SP1: variants seen among roughly 807,000 people sequenced by gnomAD.
SP1 encodes the protein Sp1 transcription factor.
A neutral mutation model predicts 66.3 loss-of-function variants in SP1; 6 were observed. That is an observed-to-expected ratio of 0.09 (90% CI 0.05 to 0.18). The LOEUF (loss-of-function observed/expected upper bound fraction) is 0.18. Ranked by LOEUF, SP1 falls within the 10% of genes least tolerant of loss-of-function variation. The probability of loss-of-function intolerance (pLI) is 1.00; values close to 1 mark genes in which losing one functional copy is unlikely to be tolerated. For synonymous variants in SP1, 417 were observed against 360.8 expected, an observed-to-expected ratio of 1.16 and a Z score of -1.77; for missense variants, 848 against 964.5, an observed-to-expected ratio of 0.88 and a Z score of 1.60.
rs1938948450 is a variant in SP1, at chr12:53,414,071, T to G, written c.*2831T>G. ...CAGGAAGTTTGGAGCCTACATTCCT[T>G]GAGTCAGGAGCTTATTACAGAAAAA... On this transcript the variant is annotated 3_prime_UTR_variant, in exon 6 of 6. Transcript: ENST00000327443. 6.6e-6 allele frequency: 1 copy of G among 152,190 alleles called. No individual in the cohort carries two copies. The highest frequency in any genetic ancestry group is 6.5e-5 in the Admixed American group (1 of 15,276). The allele number at this position is 152,190 out of a possible 1,614,324, so 9.4% of individuals were successfully genotyped here. A position where few individuals can be genotyped will look rare whatever the true frequency, so the allele number is the denominator to read the frequency against.
chr12:53,395,993 G>A (rs1452479460), intron 3 of SP1, among the ~76,000 whole-genome samples: 5 of 152,020 alleles, frequency 3.3e-5, no homozygotes, highest in Non-Finnish European at 4.4e-5. Context: ...GCTGGCGCAC[G>A]CCTGTAGTCC....
chr12:53,409,637 T>A, intron 5 of SP1, 76 bp downstream of exon 5: 1 of 1,212,826 alleles, frequency 8.2e-7, no homozygotes, highest in Non-Finnish European at 1.2e-6. Flanking sequence ...ACAAAATAAC[T>A]AAAATTTCTG....
chr12:53,399,828 T>C (rs1938569749), intron 3 of SP1, among the ~76,000 whole-genome samples: 2 of 151,300 alleles, frequency 1.3e-5, no homozygotes, highest in African/African-American at 4.9e-5. Flanking sequence ...ACGGGGTTTT[T>C]CCGTGTTGGT....
rs1938922540 is a variant in SP1, at chr12:53,412,849, G to A, written c.*1609G>A. 6.6e-6 allele frequency: 1 copy of A among 152,508 alleles called. No individual in the cohort carries two copies. Among genetic ancestry groups the A allele is most frequent in the Admixed American group, 6.6e-5 (1 of 15,240 alleles). 9.4% of individuals were successfully genotyped at this position (152,508 alleles called of 1,614,324 possible). ...CAACCAGAATTGTCCTCAAGGCCCA[G>A]CCATAAAAGCATTGTCTCTCTCGAC... On this transcript the variant is annotated 3_prime_UTR_variant, in exon 6 of 6. Coordinates refer to ENST00000327443, the MANE Select transcript of SP1 (RefSeq NM_138473.3).
intron 1 of SP1, among the ~76,000 whole-genome samples, chr12:53,380,837 A>G (rs1938075687): frequency 6.7e-6 from 1 of 148,642 alleles, no homozygotes; most frequent in Non-Finnish European, 1.5e-5. Context: ...CTGACTACTA[A>G]CCTGTAGATC....
At chr12:53,394,800 G>A (rs1938445058) in intron 3 of SP1, among the ~76,000 whole-genome samples, 2 of 151,350 alleles carry the variant, frequency 1.3e-5, no homozygotes, top group South Asian at 4.2e-4. Flanking sequence ...ATTTTTAGTG[G>A]AGATGGGTTT....
At chr12:53,404,859 G>A (rs551881211) in intron 3 of SP1, among the ~76,000 whole-genome samples, 3 of 152,068 alleles carry the variant, frequency 2.0e-5, no homozygotes, top group African/African-American at 7.2e-5. Context: ...ATTTGGCGAC[G>A]AAGTCTCGCT....
At chr12:53,404,833 G>A (rs1360051546) in intron 3 of SP1, among the ~76,000 whole-genome samples, 8 of 151,830 alleles carry the variant, frequency 5.3e-5, no homozygotes, top group African/African-American at 1.2e-4. Context: ...ACCATGCCCA[G>A]CTAATTATTA....
rs1477131032 is a variant in SP1, at chr12:53,416,416, T to C, written c.*5176T>C. On this transcript the variant is annotated 3_prime_UTR_variant, in exon 6 of 6. Coordinates refer to ENST00000327443, the MANE Select transcript of SP1 (RefSeq NM_138473.3). ...TCAATGTAGTCTGTAGCCTCCTTTGTAAACCAATTAAAAAGTTTTTTAATA... is the reference window on the plus strand; with the variant it reads ...TCAATGTAGTCTGTAGCCTCCTTTGCAAACCAATTAAAAAGTTTTTTAATA... The C allele has an allele frequency of 6.6e-6, 1 of 151,892 alleles. No individual in the cohort carries two copies. Among genetic ancestry groups the C allele is most frequent in the African/African-American group, 2.4e-5 (1 of 41,208 alleles). The allele number at this position is 151,892 out of a possible 1,614,324, so 9.4% of individuals were successfully genotyped here. A position where few individuals can be genotyped will look rare whatever the true frequency, so the allele number is the denominator to read the frequency against.
At chr12:53,394,029 A>G (rs1465147837) in intron 3 of SP1, among the ~76,000 whole-genome samples, 4 of 151,900 alleles carry the variant, frequency 2.6e-5, no homozygotes, top group Admixed American at 6.6e-5. Flanking sequence ...AGCCTGACCA[A>G]CATGGAGAAA....
chr12:53,398,581 T>C (rs1005288409), intron 3 of SP1, among the ~76,000 whole-genome samples: 5 of 152,304 alleles, frequency 3.3e-5, no homozygotes, highest in Admixed American at 1.3e-4. Context: ...AAACCCAGTC[T>C]TTTTATTTTT....
At chr12:53,398,075 T>A (rs190386435) in intron 3 of SP1, among the ~76,000 whole-genome samples, 1 of 152,334 alleles carries the variant, frequency 6.6e-6, no homozygotes, top group East Asian at 1.9e-4. Flanking sequence ...CTGAACTGAC[T>A]GTTAATTTAG....
In SP1 at chr12:53,381,663, A is replaced by G. The variant is rs1938100784; in HGVS notation, c.12A>G (p.Gln4=). 4 of 1,608,014 alleles carry G rather than the reference A, an allele frequency of 2.5e-6. No individual in the cohort carries two copies. The highest frequency in any genetic ancestry group is 1.7e-5 in the Admixed American group (1 of 58,322). The change falls in exon 2 of 6, where the codon CAA becomes CAG. Residue 4 remains glutamine (Q), a synonymous_variant. Transcript: ENST00000327443. Reference sequence around the variant, plus strand: ...TTTGTTTTTTAATTATTTTAGACCAAGATCACTCCATGGATGAAATGACAG... The same window carrying G: ...TTTGTTTTTTAATTATTTTAGACCAGGATCACTCCATGGATGAAATGACAG... MSD[Q]DHSMDEMTAV...
At chr12:53,391,034 A>G (rs938654010) in intron 3 of SP1, among the ~76,000 whole-genome samples, 2 of 152,158 alleles carry the variant, frequency 1.3e-5, no homozygotes, top group Non-Finnish European at 2.9e-5. Context: ...TAGGAAAGTT[A>G]TTATATCATG....
Position 53,380,397 on chromosome 12 carries a change from G to GGGA in SP1, c.7+102_7+104dup, listed in dbSNP as rs1306680581. On this transcript the variant is annotated intron_variant, in intron 1 of 5. Transcript: ENST00000327443. ...TCCCCGCCGTGAAGCGGGGGCGGGC[G>GGGA]GGAGGCGGCGGCGGCGGCGGCCTAG... The GGGA allele has an allele frequency of 1.6e-4, 182 of 1,117,268 alleles. 1 individual carries two copies. Among genetic ancestry groups the GGGA allele is most frequent in the Non-Finnish European group, 2.0e-4 (166 of 847,828 alleles). 69.2% of individuals were successfully genotyped at this position (1,117,268 alleles called of 1,614,324 possible).
chr12:53,393,411 A>T (rs1428117975), intron 3 of SP1, among the ~76,000 whole-genome samples: 1 of 151,394 alleles, frequency 6.6e-6, no homozygotes, highest in Non-Finnish European at 1.5e-5. Context: ...CAGCCTCCTG[A>T]GTAGCTGGGA....
intron 3 of SP1, among the ~76,000 whole-genome samples, chr12:53,390,357 T>C (rs1233250118): frequency 6.6e-6 from 1 of 152,114 alleles, no homozygotes; most frequent in Non-Finnish European, 1.5e-5. Flanking sequence ...GTTATTTCAG[T>C]TTAAGTAGGA....
At chr12:53,397,588 T>C (rs1257420203) in intron 3 of SP1, among the ~76,000 whole-genome samples, 2 of 101,498 alleles carry the variant, frequency 2.0e-5, no homozygotes, top group African/African-American at 3.8e-5. Flanking sequence ...CCTTTTTTTT[T>C]CTTTTTTTTT....
chr12:53,390,492 G>A (rs1938322940), intron 3 of SP1, among the ~76,000 whole-genome samples: 2 of 152,120 alleles, frequency 1.3e-5, no homozygotes, highest in African/African-American at 4.8e-5. Flanking sequence ...TGACCAGCCT[G>A]GACAACATGG....
Sources: gnomAD v4.1 joint callset for allele counts (sites outside exome capture counted in the v4.1 genomes callset) on GRCh38, gnomAD v4.1.1 for gene constraint, MANE v1.5 for transcripts, NCBI Gene and HGNC (gene_info 2026-07-23, HGNC 2026-07-21) for gene names.